The following DOCK1 variants were observed in gnomAD, a reference collection of about 807,000 sequenced individuals.
DOCK1 encodes dedicator of cytokinesis 1, also known as dedicator of cytokinesis protein 1.
In DOCK1, 138 loss-of-function variants were observed where a neutral mutation model predicts 262.7. The observed-to-expected ratio is 0.53, with a 90% confidence interval of 0.46 to 0.61. The LOEUF (loss-of-function observed/expected upper bound fraction) is 0.61, where lower values mean the gene tolerates loss of function less well. DOCK1 is among the 20% of genes least tolerant of loss of function. The probability of loss-of-function intolerance (pLI) is 0.00; values close to 1 mark genes in which losing one functional copy is unlikely to be tolerated. For missense variants in DOCK1, 1,908 were observed against 2,370.7 expected, an observed-to-expected ratio of 0.80 and a Z score of 4.05; for synonymous variants, 866 against 867.4, an observed-to-expected ratio of 1.00 and a Z score of 0.03.
chr10:127,234,718 G>A (rs1479616610), intron 27 of DOCK1, among the ~76,000 whole-genome samples: 1 of 152,030 alleles, frequency 6.6e-6, no homozygotes, highest in African/African-American at 2.4e-5. Context: ...CAAGGGTAAT[G>A]TGAAGTAGGC....
intron 27 of DOCK1, among the ~76,000 whole-genome samples, chr10:127,238,078 C>G (rs1169778341): frequency 3.3e-5 from 5 of 152,174 alleles, no homozygotes; most frequent in Non-Finnish European, 7.3e-5. Flanking sequence ...CATGCAACTC[C>G]TATGAATAAC....
chr10:127,430,010 A>G (rs888391220), intron 47 of DOCK1, among the ~76,000 whole-genome samples: 6 of 151,572 alleles, frequency 4.0e-5, no homozygotes, highest in Admixed American at 6.6e-5. Context: ...CCACCTCATC[A>G]CTCCAAACAC....
chr10:127,319,735 G>A (rs2062436618), intron 29 of DOCK1, among the ~76,000 whole-genome samples: 1 of 152,162 alleles, frequency 6.6e-6, no homozygotes, highest in Non-Finnish European at 1.5e-5. Flanking sequence ...TGGGCCACCC[G>A]TGCCCTGTCT....
chr10:127,159,580 G>A (rs1220092354), intron 27 of DOCK1, among the ~76,000 whole-genome samples: 1 of 152,142 alleles, frequency 6.6e-6, no homozygotes, highest in African/African-American at 2.4e-5. Context: ...CAGGTCTTCA[G>A]TTAATCCTTT....
At chr10:127,104,604 G>A (rs894852183) in intron 23 of DOCK1, among the ~76,000 whole-genome samples, 22 of 152,280 alleles carry the variant, frequency 1.4e-4, no homozygotes, top group African/African-American at 3.1e-4. Context: ...CTGTAATTGC[G>A]TAGTATTTTC....
chr10:127,004,784 C>CCCCCCCCCCCCCCCA, intron 10 of DOCK1, among the ~76,000 whole-genome samples: 1 of 98,416 alleles, frequency 1.0e-5, no homozygotes, highest in Non-Finnish European at 2.2e-5. Context: ...CCCCCCGCCC[C>CCCCCCCCCCCCCCCA]AAAAAAAAGA....
At chr10:126,959,919 C>G (rs1364276786) in intron 1 of DOCK1, among the ~76,000 whole-genome samples, 1 of 152,050 alleles carries the variant, frequency 6.6e-6, no homozygotes, top group East Asian at 1.9e-4. Context: ...CCGGGTTTCT[C>G]CTGCCTCAGC....
At chr10:127,223,394 AC>A (rs2058513932) in intron 27 of DOCK1, among the ~76,000 whole-genome samples, 2 of 152,128 alleles carry the variant, frequency 1.3e-5, no homozygotes, top group Admixed American at 1.3e-4. Flanking sequence ...TTGCTAATGT[AC>A]CTTCAATTTC....
chr10:127,022,538 C>T (rs1293823280), intron 13 of DOCK1, among the ~76,000 whole-genome samples: 5 of 151,966 alleles, frequency 3.3e-5, no homozygotes, highest in African/African-American at 1.2e-4. Context: ...GATTACAGGC[C>T]TGCACCACCA....
intron 1 of DOCK1, among the ~76,000 whole-genome samples, chr10:126,954,325 G>C (rs1319786585): frequency 3.9e-5 from 6 of 152,258 alleles, no homozygotes; most frequent in Non-Finnish European, 7.3e-5. Context: ...GCAGGGGCCT[G>C]AGGCCTGGGC....
In DOCK1 at chr10:127,175,570, C is replaced by T. The variant is rs143897472; in HGVS notation, c.2847+47806C>T. 29 of 1,611,178 alleles carry T rather than the reference C, an allele frequency of 1.8e-5. No homozygotes were observed. The highest frequency in any genetic ancestry group is 1.3e-4 in the Admixed American group (8 of 59,988). ...GCCGGGCAGAGTGACCACTGGCTGG[C>T]GGCTGCAGAGTCTGACAAACCAGGC... On this transcript the variant is annotated intron_variant, in intron 27 of 51. Coordinates refer to ENST00000623213, the MANE Select transcript of DOCK1 (RefSeq NM_001290223.2). This position sits in a 1 kb window ranked among gnomAD's most constrained non-coding sequence, Gnocchi z 6.3.
intron 4 of DOCK1, among the ~76,000 whole-genome samples, chr10:126,984,930 G>A (rs1204663045): frequency 6.7e-6 from 1 of 149,650 alleles, no homozygotes; most frequent in Non-Finnish European, 1.5e-5. Context: ...CAGAAACTCG[G>A]TGTCCCTTTG....
At chr10:126,980,685 G>A (rs1339622666) in intron 3 of DOCK1, among the ~76,000 whole-genome samples, 1 of 144,844 alleles carries the variant, frequency 6.9e-6, no homozygotes, top group Non-Finnish European at 1.5e-5. Context: ...TCCCAAACTT[G>A]ATTAGTAGCT....
chr10:127,237,962 C>T (rs2059130411), intron 27 of DOCK1, among the ~76,000 whole-genome samples: 1 of 152,226 alleles, frequency 6.6e-6, no homozygotes, highest in South Asian at 2.1e-4. Context: ...AAATTCACTA[C>T]ATATTAACAT....
At chr10:127,164,532 T>C (rs2053908828) in intron 27 of DOCK1, among the ~76,000 whole-genome samples, 1 of 152,170 alleles carries the variant, frequency 6.6e-6, no homozygotes, top group Non-Finnish European at 1.5e-5. Flanking sequence ...CCCAGCAACT[T>C]GTATGCTTCC....
rs970373107 is a variant in DOCK1, at chr10:126,995,626, C to T, written c.474-1122C>T. 1.1e-4 allele frequency among the ~76,000 whole-genome samples: 16 copies of T among 151,706 alleles called. No individual in the cohort carries two copies. Among genetic ancestry groups the T allele is most frequent in the South Asian group, 4.2e-4 (2 of 4,782 alleles). On this transcript the variant is annotated intron_variant, in intron 6 of 51. Coordinates refer to ENST00000623213, the MANE Select transcript of DOCK1 (RefSeq NM_001290223.2). The surrounding 1 kb of genome is among the most constrained non-coding windows in gnomAD (Gnocchi z 5.8). The stretch of plus-strand genomic sequence containing the variant: ...CCTTGGCTCGGCATCAGAGGCAGAC[C>T]GTGGAGAGAGAGGGAGAGGGAGACC...
At chr10:127,222,631 G>A (rs1002458953) in intron 27 of DOCK1, among the ~76,000 whole-genome samples, 6 of 12,576 alleles carry the variant, frequency 4.8e-4, no homozygotes, top group Non-Finnish European at 1.4e-3. Context: ...TTTTTGTTTT[G>A]TGTTGTGTTG....
At chr10:126,941,953 A>G (rs2035043393) in intron 1 of DOCK1, among the ~76,000 whole-genome samples, 1 of 152,116 alleles carries the variant, frequency 6.6e-6, no homozygotes, top group Non-Finnish European at 1.5e-5. Context: ...TGTTTAAAGG[A>G]TTCTAAAGTC....
intron 25 of DOCK1, among the ~76,000 whole-genome samples, chr10:127,124,003 C>T (rs762699113): frequency 4.6e-5 from 7 of 152,188 alleles, no homozygotes; most frequent in East Asian, 1.9e-4. Flanking sequence ...CCTTTCTTGG[C>T]GAATCAACAA....
Sources: gnomAD v4.1 joint callset for allele counts (sites outside exome capture counted in the v4.1 genomes callset) on GRCh38, gnomAD v4.1.1 for gene constraint, Gnocchi (gnomAD v3.1) non-coding constraint, MANE v1.5 for transcripts, NCBI Gene and HGNC (gene_info 2026-07-23, HGNC 2026-07-21) for gene names.